STK33: variants seen among roughly 807,000 people sequenced by gnomAD.
STK33 encodes the protein serine/threonine kinase 33, also known as serine/threonine-protein kinase 33.
A neutral mutation model predicts 58.0 loss-of-function variants in STK33; 52 were observed. That is an observed-to-expected ratio of 0.90 (90% CI 0.72 to 1.13). The LOEUF (loss-of-function observed/expected upper bound fraction) is 1.13, where lower values mean the gene tolerates loss of function less well. Among genes scored for constraint, STK33 ranks in the 50% most tolerant of loss-of-function variants. The pLI is 0.00. For missense variants in STK33, 630 were observed against 604.2 expected, an observed-to-expected ratio of 1.04 and a Z score of -0.45; for synonymous variants, 215 against 200.1, an observed-to-expected ratio of 1.07 and a Z score of -0.63.
At chr11:8,411,056 A>G (rs1240838221) in intron 15 of STK33, among the ~76,000 whole-genome samples, 1 of 152,252 alleles carries the variant, frequency 6.6e-6, no homozygotes, top group African/African-American at 2.4e-5. Flanking sequence ...CACTACTGCA[A>G]TAAGCAGTGG....
chr11:8,528,978 T>C (rs1954290475), intron 1 of STK33, among the ~76,000 whole-genome samples: 1 of 152,254 alleles, frequency 6.6e-6, no homozygotes, highest in African/African-American at 2.4e-5. Context: ...TCATTATCCC[T>C]GTTTTTTATA....
chr11:8,582,056 T>C (rs1339139351), intron 1 of STK33, among the ~76,000 whole-genome samples: 1 of 152,202 alleles, frequency 6.6e-6, no homozygotes, highest in Admixed American at 6.5e-5. Context: ...AGACACTAAT[T>C]GAATGTCCAT....
chr11:8,572,799 A>T (rs907448472), intron 1 of STK33, among the ~76,000 whole-genome samples: 1 of 152,070 alleles, frequency 6.6e-6, no homozygotes, highest in African/African-American at 2.4e-5. Flanking sequence ...AATGCAATAG[A>T]TAGAATTAAC....
the STK33 span, among the ~76,000 whole-genome samples, chr11:8,362,967 A>T: frequency 6.6e-6 from 1 of 150,912 alleles, no homozygotes; most frequent in Non-Finnish European, 1.5e-5. Flanking sequence ...TGAGGAGACA[A>T]GGGTGACAGG....
intron 1 of STK33, chr11:8,533,235 A>C (rs191983353): frequency 1.3e-5 from 2 of 152,384 alleles, no homozygotes; most frequent in Admixed American, 6.5e-5. Context: ...TATCAACAGC[A>C]GAAATTACAT....
chr11:8,424,352 T>C (rs549111957), intron 14 of STK33, among the ~76,000 whole-genome samples: 1 of 150,050 alleles, frequency 6.7e-6, no homozygotes, highest in East Asian at 1.9e-4. Context: ...TATTCCATGG[T>C]GTATATGTAC....
intron 1 of STK33, among the ~76,000 whole-genome samples, chr11:8,495,195 A>T (rs1950961709): frequency 6.6e-6 from 1 of 152,238 alleles, no homozygotes; most frequent in African/African-American, 2.4e-5. Flanking sequence ...CAATCTACCC[A>T]TCTGACAAAG....
chr11:8,349,728 G>A, the STK33 span, among the ~76,000 whole-genome samples: 2 of 152,222 alleles, frequency 1.3e-5, no homozygotes, highest in Non-Finnish European at 2.9e-5. Context: ...GCATGATCAT[G>A]TCCCAGAGCT....
At chr11:8,527,734 G>A (rs2140046111) in intron 1 of STK33, among the ~76,000 whole-genome samples, 1 of 152,270 alleles carries the variant, frequency 6.6e-6, no homozygotes, top group Non-Finnish European at 1.5e-5. Context: ...ATGAGGCATA[G>A]AGAAGAAACA....
At chr11:8,403,049 C>T (rs1938407525) in intron 15 of STK33, among the ~76,000 whole-genome samples, 1 of 152,118 alleles carries the variant, frequency 6.6e-6, no homozygotes, top group Admixed American at 6.5e-5. Context: ...TCCCGTAAGA[C>T]TGTACAAAGG....
the STK33 span, among the ~76,000 whole-genome samples, chr11:8,359,262 A>C: frequency 6.6e-6 from 1 of 152,282 alleles, no homozygotes; most frequent in Admixed American, 6.5e-5. Context: ...ACTGCTAGTT[A>C]TATGTCAGTG....
chr11:8,535,551 A>G (rs1406971081), intron 1 of STK33, among the ~76,000 whole-genome samples: 2 of 152,178 alleles, frequency 1.3e-5, no homozygotes, highest in Non-Finnish European at 2.9e-5. Context: ...ATCTTACCCC[A>G]ATCAGAATGG....
chr11:8,464,326 T>G (rs961901873), intron 7 of STK33, among the ~76,000 whole-genome samples: 1 of 151,910 alleles, frequency 6.6e-6, no homozygotes, highest in Non-Finnish European at 1.5e-5. Context: ...AAGGAGAGGA[T>G]AGGAGAAAAG....
chr11:8,379,019 T>A, the STK33 span, among the ~76,000 whole-genome samples: 57,853 of 151,906 alleles, frequency 0.38, 12,111 homozygotes, highest in African/African-American at 0.54. Flanking sequence ...TCTTCAACAA[T>A]ACACACAAAA....
the STK33 span, among the ~76,000 whole-genome samples, chr11:8,360,846 C>T: frequency 6.6e-6 from 1 of 152,196 alleles, no homozygotes; most frequent in African/African-American, 2.4e-5. Flanking sequence ...TTTTGTGTTG[C>T]TAACCAGGGA....
chr11:8,566,252 C>A lies in STK33; in HGVS notation c.-466+27831G>T, dbSNP rs539015229. ...CTTCTAAATAGACCCTCAGTTTCTG[C>A]ATCTTAATTCAACTCCTTGTTATCT... On this transcript the variant is annotated intron_variant, in intron 1 of 15. Coordinates refer to ENST00000687296, the MANE Select transcript of STK33 (RefSeq NM_001352389.2). Among the ~76,000 whole-genome samples, 55 of 152,314 alleles carry A rather than the reference C, an allele frequency of 3.6e-4. 1 individual carries two copies. Among genetic ancestry groups the A allele is most frequent in the South Asian group, 2.7e-3 (13 of 4,822 alleles).
At chr11:8,544,831 G>A (rs1317083104) in intron 1 of STK33, among the ~76,000 whole-genome samples, 1 of 152,130 alleles carries the variant, frequency 6.6e-6, no homozygotes, top group African/African-American at 2.4e-5. Flanking sequence ...ACATTATTCT[G>A]CTACTGTACT....
At chr11:8,472,222 C>T (rs1321019700) in intron 6 of STK33, among the ~76,000 whole-genome samples, 1 of 151,668 alleles carries the variant, frequency 6.6e-6, no homozygotes, top group Non-Finnish European at 1.5e-5. Flanking sequence ...AGCCATCATG[C>T]CTGGCCCAAG....
intron 1 of STK33, among the ~76,000 whole-genome samples, chr11:8,518,932 C>T (rs1953093821): frequency 2.0e-5 from 3 of 152,118 alleles, no homozygotes; most frequent in Non-Finnish European, 4.4e-5. Context: ...GTCAGATCAA[C>T]AAGACAGAAA....
Sources: allele counts gnomAD v4.1 joint callset (sites outside exome capture counted in the v4.1 genomes callset), GRCh38; gene constraint gnomAD v4.1.1; transcripts MANE v1.5; gene names NCBI Gene and HGNC (gene_info 2026-07-23, HGNC 2026-07-21).